ZNF592: variants seen among roughly 807,000 people sequenced by gnomAD.
The protein encoded by ZNF592 is spinocerebellar ataxia, autosomal recessive 5.
In ZNF592, 11 loss-of-function variants were observed where a neutral mutation model predicts 80.3. The observed-to-expected ratio is 0.14, with a 90% confidence interval of 0.09 to 0.23. The LOEUF (loss-of-function observed/expected upper bound fraction) is 0.23, where lower values mean the gene tolerates loss of function less well. ZNF592 is among the 10% of genes least tolerant of loss of function. ZNF592 has a pLI of 1.00. For synonymous variants in ZNF592, 646 were observed against 640.3 expected (o/e 1.01, Z -0.13); for missense variants, 1,420 against 1,633.9 (o/e 0.87, Z 2.26).
At chr15:84,778,924 C>T (rs904224882) in intron 3 of ZNF592, among the ~76,000 whole-genome samples, 2 of 152,110 alleles carry the variant, frequency 1.3e-5, no homozygotes, top group African/African-American at 2.4e-5. Context: ...CAAAATGATA[C>T]GGCTCTGATG....
chr15:84,782,596 A>G, intron 3 of ZNF592, 61 bp from the exon 4 acceptor site: 1 of 1,470,268 alleles, frequency 6.8e-7, no homozygotes, highest in Non-Finnish European at 9.5e-7. Flanking sequence ...ATGGGTGTGT[A>G]GTGAAGATGG....
intron 1 of ZNF592, among the ~76,000 whole-genome samples, chr15:84,759,100 A>G (rs1899268683): frequency 6.6e-6 from 1 of 152,164 alleles, no homozygotes; most frequent in African/African-American, 2.4e-5. Context: ...AAACATTCTA[A>G]TTAAGAACAG....
In ZNF592 at chr15:84,785,778, T is replaced by C. The variant is rs145194751; in HGVS notation, c.2220+883T>C. Among the ~76,000 whole-genome samples, 218 of 152,180 alleles carry C rather than the reference T, an allele frequency of 1.4e-3. 1 individual carries two copies. The highest frequency in any genetic ancestry group is 5.0e-3 in the African/African-American group (209 of 41,522). ...GTGGCAGAGGTTTATGGAGCCTCCT[T>C]CTTTCAACTGCGTTCTCACCACTCC... On this transcript the variant is annotated intron_variant, in intron 4 of 10. Coordinates refer to ENST00000560079, the MANE Select transcript of ZNF592 (RefSeq NM_014630.3).
intron 2 of ZNF592, among the ~76,000 whole-genome samples, chr15:84,774,869 C>T (rs1962196897): frequency 6.6e-6 from 1 of 152,086 alleles, no homozygotes; most frequent in Non-Finnish European, 1.5e-5. Flanking sequence ...TAACCTCTGC[C>T]TCCCAGGTTC....
At chr15:84,767,630 A>T (rs1483178045) in intron 2 of ZNF592, among the ~76,000 whole-genome samples, 2 of 151,970 alleles carry the variant, frequency 1.3e-5, no homozygotes, top group Non-Finnish European at 2.9e-5. Context: ...TTGTATCTAA[A>T]TTGTCAGCTC....
Position 84,799,255 on chromosome 15 carries a change from A to T in ZNF592, c.3137+45A>T. ...AGTGAGGAGGCCTGAGGTTCAAAAG[A>T]CTCTGTCCGTGGCACCACTGGGGCT... On this transcript the variant is annotated intron_variant, in intron 9 of 10. Transcript: ENST00000560079. The surrounding 1 kb of genome is among the most constrained non-coding windows in gnomAD (Gnocchi z 4.2). The T allele has an allele frequency of 6.3e-7, 1 of 1,577,730 alleles. No homozygotes were observed. The highest frequency in any genetic ancestry group is 1.1e-5 in the South Asian group (1 of 90,350).
chr15:84,788,441 T>C (rs188941156), intron 4 of ZNF592, among the ~76,000 whole-genome samples: 5 of 152,336 alleles, frequency 3.3e-5, no homozygotes, highest in East Asian at 1.9e-4. Flanking sequence ...CTCTGAAATA[T>C]AGTTTACGTT....
At chr15:84,764,190 C>T (rs768513286) in intron 1 of ZNF592, among the ~76,000 whole-genome samples, 21 of 152,140 alleles carry the variant, frequency 1.4e-4, no homozygotes, top group Non-Finnish European at 2.8e-4. Context: ...AAACTAAACC[C>T]GGCTTTACTT....
At chr15:84,778,952 G>C (rs1962344758) in intron 3 of ZNF592, among the ~76,000 whole-genome samples, 1 of 152,180 alleles carries the variant, frequency 6.6e-6, no homozygotes, top group Non-Finnish European at 1.5e-5. Context: ...GAACACCAGG[G>C]TTCTTGGTCC....
At position 84,748,606 on chromosome 15, in the gene ZNF592, C is replaced by T. The variant is rs919079497; in HGVS notation, c.-317C>T. On this transcript the variant is annotated 5_prime_UTR_variant, in exon 1 of 11. Transcript: ENST00000560079. ...GTCGCCATGTTGTGGCTCCCGCAGC[C>T]GGCGCTGGGGACGCGCGCGGCCGAG... 3 of 147,534 alleles carry T rather than the reference C, an allele frequency of 2.0e-5. No individual in the cohort carries two copies. Among genetic ancestry groups the T allele is most frequent in the Admixed American group, 2.0e-4 (3 of 14,806 alleles). 9.1% of individuals were successfully genotyped at this position (147,534 alleles called of 1,614,324 possible).
intron 1 of ZNF592, among the ~76,000 whole-genome samples, chr15:84,751,573 A>T (rs997175456): frequency 6.6e-6 from 1 of 151,366 alleles, no homozygotes; most frequent in African/African-American, 2.4e-5. Context: ...AGTTGCTTTT[A>T]TTATTTTAAA....
chr15:84,771,901 A>G (rs1242828062), intron 2 of ZNF592, among the ~76,000 whole-genome samples: 1 of 152,108 alleles, frequency 6.6e-6, no homozygotes, highest in Non-Finnish European at 1.5e-5. Flanking sequence ...CTGCTTGTCC[A>G]CTTTAGCAGT....
chr15:84,790,656 A>C, intron 4 of ZNF592, 49 bp from the exon 5 acceptor site: 2 of 1,600,126 alleles, frequency 1.2e-6, no homozygotes, highest in Non-Finnish European at 1.7e-6. Context: ...TTGGAGAGCC[A>C]CAGGCCTATG....
intron 2 of ZNF592, among the ~76,000 whole-genome samples, chr15:84,773,433 G>C (rs1344229650): frequency 6.6e-6 from 1 of 151,824 alleles, no homozygotes; most frequent in African/African-American, 2.4e-5. Flanking sequence ...GGATGGTCTC[G>C]ATCTCCTGAC....
intron 5 of ZNF592, among the ~76,000 whole-genome samples, chr15:84,793,566 G>A (rs1962810569): frequency 6.6e-6 from 1 of 152,218 alleles, no homozygotes; most frequent in Non-Finnish European, 1.5e-5. Flanking sequence ...AAAATTTTCA[G>A]TGATCTGCGG....
chr15:84,763,203 G>C (rs547260378), intron 1 of ZNF592, among the ~76,000 whole-genome samples: 1 of 152,334 alleles, frequency 6.6e-6, no homozygotes, highest in South Asian at 2.1e-4. Context: ...TGAGTTCCTT[G>C]TGCAGTGTGA....
At chr15:84,774,387 C>T (rs1417376941) in intron 2 of ZNF592, among the ~76,000 whole-genome samples, 1 of 152,174 alleles carries the variant, frequency 6.6e-6, no homozygotes, top group Non-Finnish European at 1.5e-5. Context: ...ATTATGAAGA[C>T]TTCCTTTTTA....
At chr15:84,759,955 C>T (rs74465665) in intron 1 of ZNF592, among the ~76,000 whole-genome samples, 11 of 25,316 alleles carry the variant, frequency 4.3e-4, no homozygotes, top group East Asian at 2.6e-3. Flanking sequence ...TGGGGAGATT[C>T]CCCCCCCCCC....
chr15:84,794,552 T>C (rs1962840458), intron 5 of ZNF592, among the ~76,000 whole-genome samples: 1 of 152,108 alleles, frequency 6.6e-6, no homozygotes, highest in African/African-American at 2.4e-5. Flanking sequence ...CTCAGCTCAC[T>C]GCAACCTCCG....
Sources: gnomAD v4.1 joint callset for allele counts (sites outside exome capture counted in the v4.1 genomes callset) on GRCh38, gnomAD v4.1.1 for gene constraint, Gnocchi (gnomAD v3.1) non-coding constraint, MANE v1.5 for transcripts, NCBI Gene and HGNC (gene_info 2026-07-23, HGNC 2026-07-21) for gene names.